ZEB1: variants seen among roughly 807,000 people sequenced by gnomAD.
ZEB1 encodes zinc finger E-box binding homeobox 1.
In ZEB1, 21 loss-of-function variants were observed where a neutral mutation model predicts 84.9. That is an observed-to-expected ratio of 0.25 (90% CI 0.18 to 0.36). ZEB1 has a LOEUF of 0.36. Among genes scored for constraint, ZEB1 ranks in the 10% least tolerant of loss-of-function variants. The pLI is 1.00. For synonymous variants in ZEB1, 420 were observed against 471.1 expected (o/e 0.89, Z 1.41); for missense variants, 1,104 against 1,330.2 (o/e 0.83, Z 2.65).
intron 1 of ZEB1, among the ~76,000 whole-genome samples, chr10:31,356,115 A>G (rs1473278411): frequency 6.6e-6 from 1 of 152,132 alleles, no homozygotes; most frequent in Admixed American, 6.6e-5. Context: ...TTATAAGATT[A>G]TCTCTAAAAT....
intron 1 of ZEB1, among the ~76,000 whole-genome samples, chr10:31,446,837 G>T (rs1048864120): frequency 4.0e-5 from 6 of 151,280 alleles, no homozygotes; most frequent in Non-Finnish European, 8.9e-5. Flanking sequence ...TTCCAAGTAT[G>T]TGGTCAATTT....
At chr10:31,473,312 A>G (rs1223252845) in intron 2 of ZEB1, among the ~76,000 whole-genome samples, 3 of 147,472 alleles carry the variant, frequency 2.0e-5, no homozygotes, top group Non-Finnish European at 3.0e-5. Flanking sequence ...AGAAAACCCC[A>G]TTGTCTCAGC....
At chr10:31,346,960 G>T (rs192486975) in intron 1 of ZEB1, among the ~76,000 whole-genome samples, 18 of 152,286 alleles carry the variant, frequency 1.2e-4, no homozygotes, top group African/African-American at 4.1e-4. Context: ...TGATAAGTGA[G>T]ATGTGGTGCT....
chr10:31,450,522 T>G (rs1018993802), intron 1 of ZEB1, among the ~76,000 whole-genome samples: 1 of 152,154 alleles, frequency 6.6e-6, no homozygotes, highest in African/African-American at 2.4e-5. Context: ...CTGCAAATAA[T>G]TTTGCTTCTC....
rs975936371 is a variant in ZEB1, at chr10:31,469,000, G to A, written c.259+7763G>A. Among the ~76,000 whole-genome samples the A allele has an allele frequency of 4.5e-4, 68 of 152,160 alleles. 2 individuals carry two copies. The highest frequency in any genetic ancestry group is 3.2e-4 in the Non-Finnish European group (22 of 68,028). ...TGTTAAGAAGCCTAGTGAGATACAA[G>A]AGAAAGTTGAAAACCAAAGCAACTA... On this transcript the variant is annotated intron_variant, in intron 2 of 8. Transcript: ENST00000424869.
intron 1 of ZEB1, among the ~76,000 whole-genome samples, chr10:31,327,770 A>G (rs1385458586): frequency 6.6e-6 from 1 of 152,204 alleles, no homozygotes; most frequent in Non-Finnish European, 1.5e-5. Flanking sequence ...TACGCTCACC[A>G]ACAATGTAAA....
Position 31,520,725 on chromosome 10 carries a change from T to C in ZEB1, c.1393T>C (p.Leu465=). 1.2e-6 allele frequency: 2 copies of C among 1,614,100 alleles called. No individual in the cohort carries two copies. The highest frequency in any genetic ancestry group is 8.5e-7 in the Non-Finnish European group (1 of 1,179,986). The part of the protein sequence containing the change: ...HSVISAISLP[L]VDQDGTTKII... ...TGTTATTTCAGCCATCAGTCTTCCT[T>C]TGGTTGATCAAGATGGAACAACCAA... The change falls in exon 7 of 9, where the codon TTG becomes CTG. Residue 465 remains leucine (L), a synonymous_variant. Coordinates refer to ENST00000424869, the MANE Select transcript of ZEB1 (RefSeq NM_001174096.2). The surrounding 1 kb of genome is among the most constrained non-coding windows in gnomAD (Gnocchi z 5.1).
intron 1 of ZEB1, 102 bp downstream of exon 1, chr10:31,319,394 G>T: frequency 8.7e-7 from 1 of 1,155,086 alleles, no homozygotes; most frequent in South Asian, 1.3e-5. Flanking sequence ...GGGCAGCCGG[G>T]GCAGGGACGG....
At chr10:31,469,588 A>AC (rs2062916513) in intron 2 of ZEB1, among the ~76,000 whole-genome samples, 1 of 152,202 alleles carries the variant, frequency 6.6e-6, no homozygotes, top group Non-Finnish European at 1.5e-5. Flanking sequence ...GCTGATTGCT[A>AC]GCACAGCAGT....
intron 1 of ZEB1, among the ~76,000 whole-genome samples, chr10:31,347,060 A>G (rs1342531130): frequency 6.6e-6 from 1 of 152,180 alleles, no homozygotes; most frequent in Admixed American, 6.5e-5. Context: ...AGCTTTAATA[A>G]TGAGGACCTT....
At chr10:31,392,133 T>C (rs1208293885) in intron 1 of ZEB1, among the ~76,000 whole-genome samples, 1 of 152,172 alleles carries the variant, frequency 6.6e-6, no homozygotes, top group Non-Finnish European at 1.5e-5. Flanking sequence ...TGCTAATGCT[T>C]TCTTCTGTTC....
chr10:31,418,162 C>A (rs1424074584), intron 1 of ZEB1, among the ~76,000 whole-genome samples: 1 of 151,848 alleles, frequency 6.6e-6, no homozygotes, highest in Non-Finnish European at 1.5e-5. Flanking sequence ...ATCCAGCATG[C>A]ACTCCCTAAA....
chr10:31,513,171 G>C (rs2070420768), intron 5 of ZEB1, among the ~76,000 whole-genome samples: 1 of 152,132 alleles, frequency 6.6e-6, no homozygotes, highest in South Asian at 2.1e-4. Context: ...CTGTAATCTA[G>C]GCCAGAGGTT....
intron 1 of ZEB1, among the ~76,000 whole-genome samples, chr10:31,356,881 A>G (rs1435498985): frequency 6.6e-6 from 1 of 152,130 alleles, no homozygotes; most frequent in African/African-American, 2.4e-5. Flanking sequence ...GCTGATTGTT[A>G]CCCAATATTT....
At chr10:31,495,695 G>A in intron 2 of ZEB1, 81 bp from the exon 3 acceptor site, 2 of 1,445,040 alleles carry the variant, frequency 1.4e-6, no homozygotes, top group Non-Finnish European at 1.9e-6. Flanking sequence ...GAGTAATTGG[G>A]ATATCCAAAA....
chr10:31,380,402 G>T (rs2047414026), intron 1 of ZEB1, among the ~76,000 whole-genome samples: 1 of 152,122 alleles, frequency 6.6e-6, no homozygotes, highest in Admixed American at 6.6e-5. Flanking sequence ...TTTGCACATG[G>T]AACTGTTTCT....
chr10:31,329,811 T>G (rs561751205), intron 1 of ZEB1, among the ~76,000 whole-genome samples: 2 of 152,286 alleles, frequency 1.3e-5, no homozygotes, highest in Admixed American at 6.5e-5. Flanking sequence ...TGTTTGAAGA[T>G]CTTTTGGTGT....
At chr10:31,517,290 C>T (rs2071329776) in intron 6 of ZEB1, among the ~76,000 whole-genome samples, 2 of 151,910 alleles carry the variant, frequency 1.3e-5, no homozygotes, top group African/African-American at 2.4e-5. Context: ...TGACCCTATG[C>T]AGAACCGTGT....
chr10:31,469,429 C>G (rs996923710), intron 2 of ZEB1, among the ~76,000 whole-genome samples: 5 of 152,166 alleles, frequency 3.3e-5, no homozygotes, highest in African/African-American at 1.2e-4. Context: ...AGTTCCCTTT[C>G]CTAGTCAAAG....
Sources: gnomAD v4.1 joint callset for allele counts (sites outside exome capture counted in the v4.1 genomes callset) on GRCh38, gnomAD v4.1.1 for gene constraint, Gnocchi (gnomAD v3.1) non-coding constraint, MANE v1.5 for transcripts, NCBI Gene and HGNC (gene_info 2026-07-23, HGNC 2026-07-21) for gene names.